Variants in DSCAM observed in about 807,000 individuals in gnomAD.
The protein encoded by DSCAM is cell adhesion molecule DSCAM.
In DSCAM, 47 loss-of-function variants were observed where a neutral mutation model predicts 217.7. The observed-to-expected ratio is 0.22, with a 90% CI of 0.17 to 0.28. The LOEUF is 0.28. DSCAM is among the 10% of genes least tolerant of loss of function. DSCAM has a pLI of 1.00. For synonymous variants in DSCAM, 1,056 were observed against 1,015.3 expected (o/e 1.04, Z -0.76); for missense variants, 2,080 against 2,618.3 (o/e 0.79, Z 4.49).
At chr21:40,079,398 G>A (rs2089419848) in intron 25 of DSCAM, among the ~76,000 whole-genome samples, 1 of 152,152 alleles carries the variant, frequency 6.6e-6, no homozygotes, top group East Asian at 1.9e-4. Flanking sequence ...CTTGGTCTTG[G>A]TGCCCAGGGA....
At chr21:40,476,830 A>G (rs2145978837) in intron 3 of DSCAM, among the ~76,000 whole-genome samples, 1 of 152,312 alleles carries the variant, frequency 6.6e-6, no homozygotes, top group Middle Eastern at 3.4e-3. Flanking sequence ...TCTCTACGTG[A>G]ACAATCCAAT....
At chr21:40,824,741 C>A (rs2091954990) in intron 1 of DSCAM, among the ~76,000 whole-genome samples, 1 of 152,052 alleles carries the variant, frequency 6.6e-6, no homozygotes, top group South Asian at 2.1e-4. Flanking sequence ...TGTCTTCCAC[C>A]ATGACTTTGC....
chr21:40,144,405 G>T lies in DSCAM; in HGVS notation c.3259+86C>A. 2 of 1,567,704 alleles carry T rather than the reference G, an allele frequency of 1.3e-6. No homozygotes were observed. Among genetic ancestry groups the T allele is most frequent in the Non-Finnish European group, 1.7e-6 (2 of 1,153,578 alleles). ...GTCACTGCAAAGTCGTGGGGCGGGG[G>T]AGTGCGAGGTTGGGGGAGCCCCGGG... On this transcript the variant is annotated intron_variant, in intron 17 of 32. Coordinates refer to ENST00000400454, the MANE Select transcript of DSCAM (RefSeq NM_001389.5). The surrounding 1 kb of genome is among the most constrained non-coding windows in gnomAD (Gnocchi z 4.8).
chr21:40,756,172 T>A (rs2091274486), intron 1 of DSCAM, among the ~76,000 whole-genome samples: 1 of 152,088 alleles, frequency 6.6e-6, no homozygotes, highest in African/African-American at 2.4e-5. Context: ...CGATAATGAG[T>A]GAGTTCTTGT....
intron 10 of DSCAM, among the ~76,000 whole-genome samples, chr21:40,281,814 C>A (rs2073764132): frequency 6.6e-6 from 1 of 152,104 alleles, no homozygotes; most frequent in African/African-American, 2.4e-5. Flanking sequence ...GCCCATTTAT[C>A]CCTTACCCAT....
intron 14 of DSCAM, among the ~76,000 whole-genome samples, chr21:40,180,768 T>C (rs1040009585): frequency 6.6e-5 from 10 of 152,146 alleles, no homozygotes; most frequent in African/African-American, 2.2e-4. Context: ...CTGGAGGCTC[T>C]TGTCTGGGAG....
At chr21:40,273,158 T>C (rs1241282275) in intron 11 of DSCAM, among the ~76,000 whole-genome samples, 3 of 152,206 alleles carry the variant, frequency 2.0e-5, no homozygotes, top group African/African-American at 4.8e-5. Context: ...AACCAAAGAA[T>C]CATTTACTCT....
rs189756021 is a variant in DSCAM, at chr21:40,407,011, G to A, written c.509-37766C>T. On this transcript the variant is annotated intron_variant, in intron 3 of 32. Transcript: ENST00000400454. ...ACAGGTGGAGGGATTGGAGAGATAC[G>A]AGCTAAAGAATATAAACTTTCAGTT... 1.0e-3 allele frequency among the ~76,000 whole-genome samples: 156 copies of A among 152,220 alleles called. 1 individual carries two copies. Among genetic ancestry groups the A allele is most frequent in the Admixed American group, 2.9e-3 (45 of 15,282 alleles).
intron 3 of DSCAM, among the ~76,000 whole-genome samples, chr21:40,474,913 A>C (rs1303953971): frequency 6.6e-6 from 1 of 152,000 alleles, no homozygotes; most frequent in Non-Finnish European, 1.5e-5. Flanking sequence ...GCAGACCCAC[A>C]CCTGGGCACC....
intron 1 of DSCAM, among the ~76,000 whole-genome samples, chr21:40,805,441 A>G (rs944242726): frequency 1.3e-5 from 2 of 152,156 alleles, no homozygotes; most frequent in African/African-American, 4.8e-5. Context: ...TCCAGACAGG[A>G]GACTGGAAGG....
At chr21:40,614,574 T>A (rs2089363583) in intron 3 of DSCAM, among the ~76,000 whole-genome samples, 1 of 152,146 alleles carries the variant, frequency 6.6e-6, no homozygotes. Context: ...CACTCTTTGG[T>A]TCAGAAATTC....
At chr21:40,720,963 C>G (rs1390978787) in intron 1 of DSCAM, among the ~76,000 whole-genome samples, 4 of 152,096 alleles carry the variant, frequency 2.6e-5, no homozygotes, top group African/African-American at 9.7e-5. Context: ...AGAAAACTAC[C>G]AAGGTTGGAT....
At chr21:40,455,932 T>C (rs1433493610) in intron 3 of DSCAM, among the ~76,000 whole-genome samples, 1 of 152,140 alleles carries the variant, frequency 6.6e-6, no homozygotes, top group Admixed American at 6.6e-5. Context: ...ATAACTGGTG[T>C]GCTCGGGGAA....
intron 3 of DSCAM, among the ~76,000 whole-genome samples, chr21:40,590,590 C>T (rs1371016269): frequency 6.6e-6 from 1 of 152,010 alleles, no homozygotes; most frequent in Non-Finnish European, 1.5e-5. Flanking sequence ...AGTAACCAGC[C>T]AATAGATGAT....
intron 1 of DSCAM, among the ~76,000 whole-genome samples, chr21:40,786,438 G>C (rs553782285): frequency 6.6e-6 from 1 of 152,274 alleles, no homozygotes; most frequent in East Asian, 1.9e-4. Context: ...CCACGAACCA[G>C]CAGCATCAGC....
At chr21:40,705,478 T>G (rs1379881877) in intron 2 of DSCAM, among the ~76,000 whole-genome samples, 1 of 152,094 alleles carries the variant, frequency 6.6e-6, no homozygotes, top group Non-Finnish European at 1.5e-5. Flanking sequence ...GACTGGGCAA[T>G]TTATAAAGAA....
At chr21:40,182,353 G>C (rs1190109264) in intron 14 of DSCAM, among the ~76,000 whole-genome samples, 2 of 152,044 alleles carry the variant, frequency 1.3e-5, no homozygotes, top group Non-Finnish European at 2.9e-5. Flanking sequence ...AGAGAGGAGA[G>C]GGGTTGGGGT....
intron 1 of DSCAM, among the ~76,000 whole-genome samples, chr21:40,763,240 CA>C: frequency 6.6e-6 from 1 of 152,296 alleles, no homozygotes; most frequent in East Asian, 1.9e-4. Context: ...ACAACTTCAA[CA>C]AAGTCTCAGG....
rs2073617995 is a variant in DSCAM at position 40,271,612 on chromosome 21, A to G, written c.2356+4485T>C. 2.6e-5 allele frequency among the ~76,000 whole-genome samples: 4 copies of G among 152,326 alleles called. No individual in the cohort carries two copies. In the South Asian group the frequency reaches 8.3e-4, roughly 32 times the overall value. ...CCCAAATTCGTTTAGCCAAAGAGAA[A>G]AGTCAAGCTGGGAACTGGGTCACGC... On this transcript the variant is annotated intron_variant, in intron 11 of 32. Transcript: ENST00000400454.
Sources: allele counts gnomAD v4.1 joint callset (sites outside exome capture counted in the v4.1 genomes callset), GRCh38; gene constraint gnomAD v4.1.1; non-coding constraint Gnocchi (gnomAD v3.1); transcripts MANE v1.5; gene names NCBI Gene and HGNC (gene_info 2026-07-23, HGNC 2026-07-21).